Variants in ABCB5 observed in about 807,000 individuals in gnomAD.
ABCB5 encodes ATP binding cassette subfamily B member 5.
A neutral mutation model predicts 144.2 loss-of-function variants in ABCB5; 155 were observed. That is an observed-to-expected ratio of 1.08 (90% confidence interval 0.94 to 1.23). The LOEUF (loss-of-function observed/expected upper bound fraction) is 1.23. ABCB5 is among the 50% of genes most tolerant of loss of function. The pLI, the probability that ABCB5 is intolerant of heterozygous loss-of-function variation, is 0.00. For synonymous variants in ABCB5, 610 were observed against 528.6 expected (o/e 1.15, Z -2.11); for missense variants, 1,830 against 1,520.8 (o/e 1.20, Z -3.38).
chr7:20,668,067 C>T (rs1785271453), intron 14 of ABCB5, among the ~76,000 whole-genome samples: 1 of 96,720 alleles, frequency 1.0e-5, no homozygotes, highest in Non-Finnish European at 2.0e-5. Context: ...GATCTCGGCT[C>T]GCTACAACCT....
chr7:20,674,147 A>G (rs1785533698), intron 14 of ABCB5, among the ~76,000 whole-genome samples: 1 of 152,002 alleles, frequency 6.6e-6, no homozygotes, highest in Non-Finnish European at 1.5e-5. Context: ...AAAATTAATC[A>G]TTAGTTTTTA....
At position 20,682,212 on chromosome 7, in the gene ABCB5, G is replaced by A. The variant is rs141194214; in HGVS notation, c.1869+546G>A. 3.2e-3 allele frequency among the ~76,000 whole-genome samples: 481 copies of A among 152,042 alleles called. 4 individuals are homozygous for A. The highest frequency in any genetic ancestry group is 0.011 in the African/African-American group (454 of 41,470). ...GAGCGAGACTCCATTTCAAAAAAAC[G>A]AACAAACAAACAAACAAAAACTTGT... is the stretch of plus-strand genomic sequence containing the variant. On this transcript the variant is annotated intron_variant, in intron 15 of 27. Coordinates refer to ENST00000404938, the MANE Select transcript of ABCB5 (RefSeq NM_001163941.2).
chr7:20,746,592 C>T (rs1041727242), intron 26 of ABCB5, among the ~76,000 whole-genome samples: 17 of 152,096 alleles, frequency 1.1e-4, no homozygotes, highest in Non-Finnish European at 2.2e-4. Context: ...GTGTAAGATC[C>T]TTTTTTATCA....
intron 16 of ABCB5, among the ~76,000 whole-genome samples, chr7:20,696,068 T>C (rs745944470): frequency 1.8e-4 from 27 of 152,108 alleles, no homozygotes; most frequent in African/African-American, 6.5e-4. Context: ...TCTAGATATT[T>C]GCTCAAGAGA....
intron 1 of ABCB5, among the ~76,000 whole-genome samples, chr7:20,616,902 C>T (rs1783698592): frequency 1.3e-5 from 2 of 152,192 alleles, no homozygotes; most frequent in Non-Finnish European, 2.9e-5. Flanking sequence ...GTGCACTTTT[C>T]TCTACTATCT....
chr7:20,647,064 G>A (rs972617266), intron 9 of ABCB5, among the ~76,000 whole-genome samples: 1 of 152,108 alleles, frequency 6.6e-6, no homozygotes, highest in African/African-American at 2.4e-5. Flanking sequence ...ATGGACAGCT[G>A]TCCCCTAATA....
At chr7:20,692,988 A>G (rs1472102524) in intron 16 of ABCB5, among the ~76,000 whole-genome samples, 3 of 152,228 alleles carry the variant, frequency 2.0e-5, no homozygotes, top group Admixed American at 1.3e-4. Flanking sequence ...CGGCAGAAAC[A>G]TAGATGACTT....
rs1785503207 is a variant in ABCB5, at chr7:20,673,197, C to A, written c.1708-8308C>A. The stretch of plus-strand genomic sequence containing the variant: ...CGTTTTATGGCACAGATTATGGTCC[C>A]TCTTAGTAAATGTTTTGTGTACACT... On this transcript the variant is annotated intron_variant, in intron 14 of 27. Coordinates refer to ENST00000404938, the MANE Select transcript of ABCB5 (RefSeq NM_001163941.2). Among the ~76,000 whole-genome samples the A allele has an allele frequency of 2.6e-5, 4 of 152,000 alleles. No homozygotes were observed. The South Asian group carries it at 8.3e-4, about 31-fold the overall frequency.
intron 14 of ABCB5, among the ~76,000 whole-genome samples, chr7:20,675,803 C>T (rs1785581299): frequency 6.6e-6 from 1 of 151,716 alleles, no homozygotes; most frequent in African/African-American, 2.4e-5. Flanking sequence ...ACTCCTATAA[C>T]TCAATAGTAA....
In ABCB5 at chr7:20,698,549, C is replaced by A. The variant is rs750492137; in HGVS notation, c.2153C>A (p.Thr718Asn). 51 of 1,586,994 alleles carry A rather than the reference C, an allele frequency of 3.2e-5. No homozygotes were observed. The highest frequency in any genetic ancestry group is 4.3e-5 in the Non-Finnish European group (50 of 1,172,020). Reference sequence around the variant, plus strand: ...TCCATCATCTTTGCAAAAATTATAACCGTAAGTAAAATAAATTTGCTAATA... The same window carrying A: ...TCCATCATCTTTGCAAAAATTATAAACGTAAGTAAAATAAATTTGCTAATA... ...VFSIIFAKII[T>N]MFGNNDKTTL... The change falls in exon 17 of 28, where the codon ACC becomes AAC. Residue 718 changes from threonine to asparagine, a missense_variant and splice_region_variant. Physicochemically the swap from Thr to Asn is moderately conservative, Grantham distance 65. Transcript: ENST00000404938.
At chr7:20,648,782 C>T (rs1272307973) in intron 11 of ABCB5, among the ~76,000 whole-genome samples, 1 of 152,142 alleles carries the variant, frequency 6.6e-6, no homozygotes, top group African/African-American at 2.4e-5. Context: ...TGTATAAAGA[C>T]CTACCTACTC....
At chr7:20,750,106 C>T (rs1156447394) in intron 26 of ABCB5, among the ~76,000 whole-genome samples, 1 of 152,130 alleles carries the variant, frequency 6.6e-6, no homozygotes, top group African/African-American at 2.4e-5. Flanking sequence ...AATTACTCAT[C>T]TAGCAGCAAT....
intron 5 of ABCB5, among the ~76,000 whole-genome samples, chr7:20,641,393 G>T (rs930629869): frequency 6.6e-6 from 1 of 151,786 alleles, no homozygotes; most frequent in Non-Finnish European, 1.5e-5. Flanking sequence ...TAAAACACTA[G>T]TGTGCACCTG....
In ABCB5 at chr7:20,709,946, G is replaced by T. The variant is rs12674332; in HGVS notation, c.2421+5139G>T. Among the ~76,000 whole-genome samples, 12 of 147,520 alleles carry T rather than the reference G, an allele frequency of 8.1e-5. 1 individual carries two copies. Among genetic ancestry groups the T allele is most frequent in the Admixed American group, 6.1e-4 (9 of 14,856 alleles). On this transcript the variant is annotated intron_variant, in intron 20 of 27. Coordinates refer to ENST00000404938, the MANE Select transcript of ABCB5 (RefSeq NM_001163941.2). ...AAAAATTAGCTGGGTGTGGTGGTGG[G>T]TGCCTGTAATCACAGCCACTCGGGA...
intron 26 of ABCB5, among the ~76,000 whole-genome samples, chr7:20,748,789 C>T (rs1307869200): frequency 1.3e-5 from 2 of 151,844 alleles, no homozygotes; most frequent in East Asian, 3.9e-4. Context: ...GAGTTCAGGT[C>T]TTCCAGTAAC....
At chr7:20,644,597 CA>C (rs561644941) in intron 7 of ABCB5, among the ~76,000 whole-genome samples, 58 of 152,204 alleles carry the variant, frequency 3.8e-4, no homozygotes, top group Admixed American at 9.2e-4. Context: ...CTAAAAACAA[CA>C]AATGTATCTG....
chr7:20,650,085 G>A lies in ABCB5; in HGVS notation c.1270G>A (p.Gly424Ser), dbSNP rs1202662273. Reference sequence around the variant, plus strand: ...GACAGTCGCCTTGGTCGGTCTCAATGGCAGTGGGAAGAGTACGGTAGTCCA... The same window carrying A: ...GACAGTCGCCTTGGTCGGTCTCAATAGCAGTGGGAAGAGTACGGTAGTCCA... ...GETVALVGLN[G>S]SGKSTVVQLL... Residue 424 changes from glycine to serine, a missense_variant, in exon 12 of 28, where the codon GGC becomes AGC. Physicochemically the swap from Gly to Ser is moderately conservative, Grantham distance 56. Transcript: ENST00000404938. 6.2e-7 allele frequency: 1 copy of A among 1,613,590 alleles called. No homozygotes were observed. Among genetic ancestry groups the A allele is most frequent in the African/African-American group, 1.3e-5 (1 of 74,910 alleles).
chr7:20,679,305 T>C (rs1303151900), intron 14 of ABCB5, among the ~76,000 whole-genome samples: 2 of 151,630 alleles, frequency 1.3e-5, no homozygotes, highest in Non-Finnish European at 2.9e-5. Flanking sequence ...CCATCTCTGC[T>C]AAAAATACAA....
chr7:20,649,416 G>A (rs1784512032), intron 11 of ABCB5, among the ~76,000 whole-genome samples: 1 of 152,104 alleles, frequency 6.6e-6, no homozygotes, highest in Non-Finnish European at 1.5e-5. Context: ...TTGTCATTTC[G>A]AGAGGGTAAT....
Sources: allele counts gnomAD v4.1 joint callset (sites outside exome capture counted in the v4.1 genomes callset), GRCh38; gene constraint gnomAD v4.1.1; transcripts MANE v1.5; gene names NCBI Gene and HGNC (gene_info 2026-07-23, HGNC 2026-07-21).